ADAMTS6: variants seen among roughly 807,000 people sequenced by gnomAD.
ADAMTS6 encodes the protein ADAM metallopeptidase with thrombospondin type 1 motif 6, also known as A disintegrin and metalloproteinase with thrombospondin motifs 6.
ADAMTS6 carries 23 observed loss-of-function variants against 144.3 expected under a neutral mutation model. That is an observed-to-expected ratio of 0.16 (90% CI 0.11 to 0.23). ADAMTS6 has a LOEUF of 0.23. ADAMTS6 is among the 10% of genes least tolerant of loss of function. ADAMTS6 has a pLI of 1.00. For missense variants in ADAMTS6, 999 were observed against 1,379.6 expected (o/e 0.72, Z 4.37); for synonymous variants, 444 against 457.5 (o/e 0.97, Z 0.38).
chr5:65,220,031 T>C (rs1757205275), intron 18 of ADAMTS6, among the ~76,000 whole-genome samples: 1 of 152,148 alleles, frequency 6.6e-6, no homozygotes, highest in Admixed American at 6.5e-5. Context: ...TCCTTTAATT[T>C]CATGAACATT....
At chr5:65,302,903 G>A (rs1197445951) in intron 9 of ADAMTS6, among the ~76,000 whole-genome samples, 1 of 151,964 alleles carries the variant, frequency 6.6e-6, no homozygotes, top group Non-Finnish European at 1.5e-5. Flanking sequence ...GACTCCTTAT[G>A]CACTCTTTTC....
At chr5:65,333,288 G>A (rs1746957586) in intron 8 of ADAMTS6, among the ~76,000 whole-genome samples, 1 of 151,938 alleles carries the variant, frequency 6.6e-6, no homozygotes, top group Non-Finnish European at 1.5e-5. Context: ...TAGACTACTG[G>A]AGAGCTACCT....
At chr5:65,156,009 G>A (rs1014519276) in intron 24 of ADAMTS6, among the ~76,000 whole-genome samples, 2 of 152,062 alleles carry the variant, frequency 1.3e-5, no homozygotes, top group African/African-American at 4.8e-5. Flanking sequence ...AAGTGAAAAG[G>A]TGATTTTAGA....
chr5:65,232,112 A>AAAAC (rs554523803), intron 15 of ADAMTS6, among the ~76,000 whole-genome samples: 48 of 152,268 alleles, frequency 3.2e-4, no homozygotes, highest in African/African-American at 1.1e-3. Flanking sequence ...TTCTGTCTGA[A>AAAAC]AAACAAACAA....
chr5:65,164,287 C>T (rs532195083), intron 24 of ADAMTS6, among the ~76,000 whole-genome samples: 158 of 152,140 alleles, frequency 1.0e-3, no homozygotes, highest in Middle Eastern at 6.8e-3. Context: ...GCTGGAAAAT[C>T]GGGTCACTCC....
At chr5:65,362,351 G>C (rs1355341995) in intron 7 of ADAMTS6, among the ~76,000 whole-genome samples, 1 of 152,108 alleles carries the variant, frequency 6.6e-6, no homozygotes, top group Non-Finnish European at 1.5e-5. Context: ...TTATAGCATT[G>C]CTAGGAAGGC....
At chr5:65,460,148 T>C (rs1400342745) in intron 4 of ADAMTS6, 22 bp downstream of exon 4, 3 of 1,612,418 alleles carry the variant, frequency 1.9e-6, no homozygotes, top group Admixed American at 3.3e-5. Context: ...ATACGCTTTG[T>C]AAAAGCTGCA....
intron 7 of ADAMTS6, among the ~76,000 whole-genome samples, chr5:65,372,678 G>C (rs1053793416): frequency 1.3e-5 from 2 of 152,088 alleles, no homozygotes; most frequent in African/African-American, 4.8e-5. Context: ...ACACCCCACT[G>C]TCAACATTAG....
chr5:65,353,349 C>G (rs1368765819), intron 7 of ADAMTS6, among the ~76,000 whole-genome samples: 1 of 151,946 alleles, frequency 6.6e-6, no homozygotes, highest in African/African-American at 2.4e-5. Context: ...GTAACTTACC[C>G]AACAGCATAG....
chr5:65,200,472 G>A (rs1215919958), intron 20 of ADAMTS6, among the ~76,000 whole-genome samples: 1 of 152,012 alleles, frequency 6.6e-6, no homozygotes, highest in East Asian at 1.9e-4. Flanking sequence ...TTTTAAACCC[G>A]GTTGGGAATA....
chr5:65,390,764 C>T (rs1236136980), intron 7 of ADAMTS6, among the ~76,000 whole-genome samples: 3 of 152,086 alleles, frequency 2.0e-5, no homozygotes, highest in African/African-American at 4.8e-5. Flanking sequence ...TCAGTTGAAA[C>T]GTCACAGAGA....
chr5:65,390,827 TC>T (rs1752851675), intron 7 of ADAMTS6, among the ~76,000 whole-genome samples: 1 of 152,198 alleles, frequency 6.6e-6, no homozygotes, highest in African/African-American at 2.4e-5. Flanking sequence ...ACTTTGGTGC[TC>T]ATAAAGAATC....
chr5:65,239,154 T>C (rs1208255124), intron 15 of ADAMTS6, among the ~76,000 whole-genome samples: 2 of 151,488 alleles, frequency 1.3e-5, no homozygotes, highest in South Asian at 4.2e-4. Context: ...CATTAGGAGA[T>C]ATACCTAATG....
intron 12 of ADAMTS6, among the ~76,000 whole-genome samples, chr5:65,266,059 T>C (rs1215965218): frequency 6.6e-6 from 1 of 151,882 alleles, no homozygotes; most frequent in Non-Finnish European, 1.5e-5. Flanking sequence ...CTATGATTTG[T>C]AGAGAAAAAA....
intron 3 of ADAMTS6, among the ~76,000 whole-genome samples, chr5:65,467,257 G>A (rs993228727): frequency 2.6e-5 from 4 of 151,874 alleles, no homozygotes; most frequent in Admixed American, 2.6e-4. Flanking sequence ...GTGCAGGGAG[G>A]AAGAAAAAAT....
intron 15 of ADAMTS6, among the ~76,000 whole-genome samples, chr5:65,229,455 C>T (rs1757971268): frequency 6.6e-6 from 1 of 152,040 alleles, no homozygotes; most frequent in South Asian, 2.1e-4. Context: ...CAATAACCAA[C>T]CCCAAAGACA....
intron 7 of ADAMTS6, among the ~76,000 whole-genome samples, chr5:65,378,855 C>G (rs988617987): frequency 2.0e-5 from 3 of 152,066 alleles, no homozygotes; most frequent in Admixed American, 1.3e-4. Flanking sequence ...GTGCTTCTTT[C>G]TGTATTCTCC....
chr5:65,471,450 AAAT>A (rs1316122036), intron 2 of ADAMTS6, among the ~76,000 whole-genome samples: 2 of 152,190 alleles, frequency 1.3e-5, no homozygotes, highest in Admixed American at 6.5e-5. Flanking sequence ...TTGAAATAAA[AAAT>A]AATGAGAAGC....
chr5:65,384,914 G>A (rs1479291637), intron 7 of ADAMTS6, among the ~76,000 whole-genome samples: 1 of 152,160 alleles, frequency 6.6e-6, no homozygotes, highest in East Asian at 1.9e-4. Flanking sequence ...GAAGATCAAG[G>A]GAGCAGCAGA....
Sources: allele counts gnomAD v4.1 joint callset (sites outside exome capture counted in the v4.1 genomes callset), GRCh38; gene constraint gnomAD v4.1.1; transcripts MANE v1.5; gene names NCBI Gene and HGNC (gene_info 2026-07-23, HGNC 2026-07-21).